SLC9D1: variants seen among roughly 807,000 people sequenced by gnomAD.
SLC9D1 encodes the protein putative LAG1-interacting protein.
At chr13:113,498,975 G>A in the SLC9D1 span, among the ~76,000 whole-genome samples, 4 of 152,200 alleles carry the variant, frequency 2.6e-5, no homozygotes, top group Non-Finnish European at 4.4e-5. Context: ...CTCCATAGGC[G>A]AGCAGCCCTG....
At chr13:113,535,192 T>C in the SLC9D1 span, 7 of 152,254 alleles carry the variant, frequency 4.6e-5, no homozygotes, top group Non-Finnish European at 8.8e-5. This position sits in a 1 kb window ranked among gnomAD's most constrained non-coding sequence, Gnocchi z 4.1. Context: ...AAAATTAAGT[T>C]TGGAAAAACA....
the SLC9D1 span, among the ~76,000 whole-genome samples, chr13:113,508,025 G>A: frequency 2.5e-3 from 376 of 152,352 alleles, no homozygotes; most frequent in African/African-American, 8.4e-3. Flanking sequence ...ATGCATGCAC[G>A]GGTCCCGTGT....
At chr13:113,536,322 G>C in the SLC9D1 span, among the ~76,000 whole-genome samples, 1 of 149,022 alleles carries the variant, frequency 6.7e-6, no homozygotes, top group Non-Finnish European at 1.5e-5. Flanking sequence ...AGGCAGAGTT[G>C]ATAGAGCAAG....
chr13:113,533,995 T>C, the SLC9D1 span: 71 of 1,389,046 alleles, frequency 5.1e-5, no homozygotes, highest in African/African-American at 1.0e-3. Flanking sequence ...TATTGAGTTT[T>C]AGAGAACTGT....
the SLC9D1 span, among the ~76,000 whole-genome samples, chr13:113,499,172 C>A: frequency 6.6e-6 from 1 of 152,172 alleles, no homozygotes; most frequent in Admixed American, 6.5e-5. Flanking sequence ...GAGTGTCATT[C>A]CACATGCTAA....
At chr13:113,541,702 C>G in the SLC9D1 span, among the ~76,000 whole-genome samples, 1 of 55,844 alleles carries the variant, frequency 1.8e-5, no homozygotes, top group South Asian at 1.1e-3. Context: ...CTGATCACTG[C>G]CATGCTTTAT....
chr13:113,517,043 C>G, the SLC9D1 span, among the ~76,000 whole-genome samples: 5 of 152,314 alleles, frequency 3.3e-5, no homozygotes, highest in Admixed American at 2.6e-4. Context: ...GACCAGGTGC[C>G]GTGGGCTGGC....
At chr13:113,520,081 ATAAC>A in the SLC9D1 span, among the ~76,000 whole-genome samples, 27 of 152,262 alleles carry the variant, frequency 1.8e-4, no homozygotes, top group Non-Finnish European at 1.5e-4. Flanking sequence ...AATTATATAA[ATAAC>A]AAGTAAGTCG....
At chr13:113,509,054 A>G in the SLC9D1 span, among the ~76,000 whole-genome samples, 1 of 123,394 alleles carries the variant, frequency 8.1e-6, no homozygotes, top group Non-Finnish European at 1.6e-5. Flanking sequence ...CTGCCTGTGT[A>G]TGTTGGGGCT....
At chr13:113,524,479 C>T in the SLC9D1 span, among the ~76,000 whole-genome samples, 1 of 152,066 alleles carries the variant, frequency 6.6e-6, no homozygotes, top group Non-Finnish European at 1.5e-5. Flanking sequence ...GGATTACAGG[C>T]GTGTGCCACC....
the SLC9D1 span, among the ~76,000 whole-genome samples, chr13:113,525,868 A>C: frequency 1.2e-4 from 18 of 151,312 alleles, no homozygotes; most frequent in African/African-American, 3.9e-4. Flanking sequence ...TCGTCGTCGT[A>C]GGAGACGACA....
chr13:113,544,221 C>T, the SLC9D1 span, among the ~76,000 whole-genome samples: 1 of 152,238 alleles, frequency 6.6e-6, no homozygotes, highest in Non-Finnish European at 1.5e-5. Context: ...AGGTTCCCGC[C>T]CCGAGGCTCG....
At chr13:113,503,776 G>T in the SLC9D1 span, 1 of 563,862 alleles carries the variant, frequency 1.8e-6, no homozygotes, top group Non-Finnish European at 3.1e-6. Context: ...TGAAAGCGTA[G>T]AAATTCAGTG....
chr13:113,503,758 A>G, the SLC9D1 span: 1 of 582,072 alleles, frequency 1.7e-6, no homozygotes, highest in African/African-American at 1.9e-5. Context: ...GATAAAAAAT[A>G]TCAGGTTTGA....
chr13:113,520,214 A>C, the SLC9D1 span, among the ~76,000 whole-genome samples: 1 of 152,192 alleles, frequency 6.6e-6, no homozygotes, highest in Non-Finnish European at 1.5e-5. Flanking sequence ...GGCCGGGAGT[A>C]GTGGCCCATG....
the SLC9D1 span, among the ~76,000 whole-genome samples, chr13:113,502,399 G>C: frequency 6.6e-6 from 1 of 152,218 alleles, no homozygotes; most frequent in South Asian, 2.1e-4. Flanking sequence ...ATTTTTAGTA[G>C]AGACGGGGTT....
At chr13:113,534,935 T>G in the SLC9D1 span, 1 of 151,962 alleles carries the variant, frequency 6.6e-6, no homozygotes, top group Non-Finnish European at 1.5e-5. Context: ...CAAAAAAAAT[T>G]AGCTGGGTGT....
the SLC9D1 span, among the ~76,000 whole-genome samples, chr13:113,506,713 C>T: frequency 0.025 from 3,848 of 152,242 alleles, 98 homozygotes; most frequent in East Asian, 0.12. Context: ...CTCTCCTGTA[C>T]AGTGAGGAAT....
chr13:113,550,009 A>C, the SLC9D1 span: 1 of 255,816 alleles, frequency 3.9e-6, no homozygotes, highest in African/African-American at 2.3e-5. Flanking sequence ...TTGGAAGCTT[A>C]CTTTTGATTC....
Sources: allele counts gnomAD v4.1 joint callset (sites outside exome capture counted in the v4.1 genomes callset), GRCh38; gene constraint gnomAD v4.1.1; non-coding constraint Gnocchi (gnomAD v3.1); transcripts MANE v1.5; gene names NCBI Gene and HGNC (gene_info 2026-07-23, HGNC 2026-07-21).